The following DCDC2 variants were observed in gnomAD, a reference collection of about 807,000 sequenced individuals.
DCDC2 encodes doublecortin domain containing 2, also known as doublecortin domain-containing protein 2.
A neutral mutation model predicts 50.2 loss-of-function variants in DCDC2; 40 were observed. The ratio of observed to expected loss-of-function variants is 0.80; its 90% CI spans 0.62 to 1.04. The LOEUF is 1.04. Among genes scored for constraint, DCDC2 ranks in the 50% least tolerant of loss-of-function variants. The probability of loss-of-function intolerance (pLI) is 0.00; values close to 1 mark genes in which losing one functional copy is unlikely to be tolerated. For synonymous variants in DCDC2, 234 were observed against 210.6 expected, an observed-to-expected ratio of 1.11 and a Z score of -0.96; for missense variants, 570 against 581.9, an observed-to-expected ratio of 0.98 and a Z score of 0.21.
At chr6:24,373,756 C>T in the DCDC2 span, among the ~76,000 whole-genome samples, 364 of 152,232 alleles carry the variant, frequency 2.4e-3, 12 homozygotes, top group East Asian at 0.063. Flanking sequence ...TGTTCACATA[C>T]GTTTACAAAT....
intron 2 of DCDC2, among the ~76,000 whole-genome samples, chr6:24,319,894 C>T (rs766795674): frequency 2.0e-5 from 3 of 151,982 alleles, no homozygotes; most frequent in Non-Finnish European, 4.4e-5. Context: ...ACTTTTAGGA[C>T]CATGGCAAAT....
intron 7 of DCDC2, among the ~76,000 whole-genome samples, chr6:24,269,476 T>A (rs902263323): frequency 6.6e-6 from 1 of 152,180 alleles, no homozygotes; most frequent in Admixed American, 6.5e-5. Flanking sequence ...ATTATGACTA[T>A]TGGAAGAAAA....
At position 24,178,732 on chromosome 6, in the gene DCDC2, A is replaced by G. The variant is rs995038967; in HGVS notation, c.1024-100T>C. The G allele has an allele frequency of 1.4e-5, 17 of 1,220,514 alleles. No individual in the cohort carries two copies. The Admixed American group carries it at 2.7e-4, about 19-fold the overall frequency. 75.6% of individuals were successfully genotyped at this position (1,220,514 alleles called of 1,614,324 possible). ...TAATACTTATATTACAGTCAAGTAA[A>G]ACATTCTTACATTTGCATAGTACTT... On this transcript the variant is annotated intron_variant, in intron 8 of 9. Coordinates refer to ENST00000378454, the MANE Select transcript of DCDC2 (RefSeq NM_016356.5).
intron 7 of DCDC2, among the ~76,000 whole-genome samples, chr6:24,246,906 T>C (rs572847409): frequency 1.3e-5 from 2 of 152,302 alleles, no homozygotes; most frequent in African/African-American, 4.8e-5. Flanking sequence ...ATGAAGCATA[T>C]ATAACTAAGT....
At chr6:24,210,347 C>A (rs925829965) in intron 7 of DCDC2, among the ~76,000 whole-genome samples, 1 of 152,150 alleles carries the variant, frequency 6.6e-6, no homozygotes, top group Non-Finnish European at 1.5e-5. Flanking sequence ...TGACACTTCA[C>A]CTTGGATGTC....
intron 2 of DCDC2, among the ~76,000 whole-genome samples, chr6:24,312,449 T>A (rs1466898151): frequency 6.9e-6 from 1 of 145,782 alleles, no homozygotes; most frequent in Admixed American, 6.8e-5. Context: ...ACCGGCATTG[T>A]TATATAATAA....
chr6:24,380,469 C>T, the DCDC2 span, among the ~76,000 whole-genome samples: 2 of 152,122 alleles, frequency 1.3e-5, no homozygotes, highest in African/African-American at 4.8e-5. Flanking sequence ...AATGTCTAAA[C>T]ATCAAAGTAT....
chr6:24,345,696 T>C (rs1760241555), intron 2 of DCDC2, among the ~76,000 whole-genome samples: 1 of 152,240 alleles, frequency 6.6e-6, no homozygotes, highest in Non-Finnish European at 1.5e-5. Context: ...TATTCACTGA[T>C]AGATCCCTTT....
chr6:24,318,973 G>A lies in DCDC2; in HGVS notation c.349-16929C>T, dbSNP rs150348533. Reference sequence around the variant, plus strand: ...CAGTAGTGGGACTGCCAGACTGAATGGTAGTTCTATTTTTAGTTCTTTGAG... The same window carrying A: ...CAGTAGTGGGACTGCCAGACTGAATAGTAGTTCTATTTTTAGTTCTTTGAG... On this transcript the variant is annotated intron_variant, in intron 2 of 9. Transcript: ENST00000378454. 3.7e-3 allele frequency among the ~76,000 whole-genome samples: 559 copies of A among 152,104 alleles called. 9 individuals are homozygous for A. Among genetic ancestry groups the A allele is most frequent in the Non-Finnish European group, 1.2e-3 (83 of 67,936 alleles).
At chr6:24,228,530 G>A (rs1762278967) in intron 7 of DCDC2, among the ~76,000 whole-genome samples, 1 of 152,128 alleles carries the variant, frequency 6.6e-6, no homozygotes, top group South Asian at 2.1e-4. Context: ...GTTTTAAACA[G>A]AAAGATTTTT....
In DCDC2 at chr6:24,256,518, A is replaced by G. The variant is rs146339451; in HGVS notation, c.922+21531T>C. Among the ~76,000 whole-genome samples the G allele has an allele frequency of 3.8e-3, 578 of 152,224 alleles. 1 individual carries two copies. Among genetic ancestry groups the G allele is most frequent in the Middle Eastern group, 0.02 (6 of 294 alleles). ...GTTGCGTGTGTGTGTGTCCGTGTAA[A>G]CAGCTGGATGCTCAGATGAGAAGAC... On this transcript the variant is annotated intron_variant, in intron 7 of 9. Transcript: ENST00000378454.
intron 2 of DCDC2, among the ~76,000 whole-genome samples, chr6:24,306,981 G>A (rs898580313): frequency 6.6e-6 from 1 of 152,170 alleles, no homozygotes; most frequent in Non-Finnish European, 1.5e-5. Context: ...GATAAACTGA[G>A]TAACTGACTA....
intron 4 of DCDC2, among the ~76,000 whole-genome samples, chr6:24,300,611 T>A (rs1399139515): frequency 6.6e-6 from 1 of 152,202 alleles, no homozygotes; most frequent in Non-Finnish European, 1.5e-5. Context: ...GATATTAATA[T>A]GTGTAAATAT....
Position 24,268,355 on chromosome 6 carries a change from C to T in DCDC2, c.922+9694G>A, listed in dbSNP as rs577420765. ...TACAAAAATTAGCTGGATGTGGTGG[C>T]GCATGCCTGTAATCCCAGCTACTCA... On this transcript the variant is annotated intron_variant, in intron 7 of 9. Transcript: ENST00000378454. 1.2e-4 allele frequency among the ~76,000 whole-genome samples: 19 copies of T among 152,120 alleles called. No individual in the cohort carries two copies. In the South Asian group the frequency reaches 2.5e-3, roughly 20 times the overall value.
At chr6:24,209,034 C>T (rs1761795150) in intron 7 of DCDC2, among the ~76,000 whole-genome samples, 1 of 152,066 alleles carries the variant, frequency 6.6e-6, no homozygotes, top group Non-Finnish European at 1.5e-5. Context: ...CATTTGATGC[C>T]AAAGAATTGC....
intron 7 of DCDC2, among the ~76,000 whole-genome samples, chr6:24,275,863 TCAA>T (rs1272307799): frequency 2.2e-4 from 26 of 118,714 alleles, no homozygotes; most frequent in African/African-American, 7.9e-4. Flanking sequence ...TGCCAATAAT[TCAA>T]TTTTTTTTTT....
intron 7 of DCDC2, among the ~76,000 whole-genome samples, chr6:24,226,284 A>G (rs1401583872): frequency 6.6e-6 from 1 of 152,224 alleles, no homozygotes; most frequent in Non-Finnish European, 1.5e-5. Context: ...AATAATTTAC[A>G]TAATAGATGC....
At chr6:24,219,291 G>T (rs1260082475) in intron 7 of DCDC2, among the ~76,000 whole-genome samples, 3 of 152,108 alleles carry the variant, frequency 2.0e-5, no homozygotes, top group African/African-American at 7.2e-5. Flanking sequence ...ATACTTAGAG[G>T]ATATTTATTG....
rs146871067 is a variant in DCDC2 at position 24,201,415 on chromosome 6, C to T, written c.1023+3587G>A. ...CTCCTGAATGACTACTGGTACATAA[C>T]GAAATGAAGGCAGAAATAAATAAGC... On this transcript the variant is annotated intron_variant, in intron 8 of 9. Coordinates refer to ENST00000378454, the MANE Select transcript of DCDC2 (RefSeq NM_016356.5). Among the ~76,000 whole-genome samples the T allele has an allele frequency of 3.4e-4, 52 of 152,172 alleles. 1 individual carries two copies. Among genetic ancestry groups the T allele is most frequent in the East Asian group, 2.5e-3 (13 of 5,184 alleles).
Sources: gnomAD v4.1 joint callset for allele counts (sites outside exome capture counted in the v4.1 genomes callset) on GRCh38, gnomAD v4.1.1 for gene constraint, MANE v1.5 for transcripts, NCBI Gene and HGNC (gene_info 2026-07-23, HGNC 2026-07-21) for gene names.